Variants in BSN observed in about 807,000 individuals in gnomAD.
BSN encodes bassoon presynaptic cytomatrix protein.
BSN carries 57 observed loss-of-function variants against 264.8 expected under a neutral mutation model. The observed-to-expected ratio is 0.22, with a 90% CI of 0.17 to 0.27. BSN has a LOEUF of 0.27. Among genes scored for constraint, BSN ranks in the 10% least tolerant of loss-of-function variants. BSN has a pLI of 1.00. For missense variants in BSN, 4,615 were observed against 5,232.5 expected, an observed-to-expected ratio of 0.88 and a Z score of 3.64; for synonymous variants, 2,059 against 2,137.3, an observed-to-expected ratio of 0.96 and a Z score of 1.01.
At chr3:49,664,364 C>G (rs1052479303) in intron 8 of BSN, 59 bp from the exon 9 acceptor site, 27 of 1,612,118 alleles carry the variant, frequency 1.7e-5, no homozygotes, top group Non-Finnish European at 2.3e-5. Flanking sequence ...TACTTGCCCT[C>G]TTAGACCCTA....
chr3:49,621,224 TC>T (rs1324734976), intron 1 of BSN, among the ~76,000 whole-genome samples: 24 of 152,038 alleles, frequency 1.6e-4, no homozygotes, highest in Non-Finnish European at 3.1e-4. Flanking sequence ...GGTGAAGAGT[TC>T]AGAGCAGAGT....
intron 1 of BSN, among the ~76,000 whole-genome samples, chr3:49,614,796 A>G (rs1398088387): frequency 6.6e-6 from 1 of 152,192 alleles, no homozygotes; most frequent in African/African-American, 2.4e-5. Flanking sequence ...CTTGCTCTGG[A>G]TTCTGGAGAC....
chr3:49,642,325 A>G lies in BSN; in HGVS notation c.691A>G (p.Thr231Ala), dbSNP rs745716636. The G allele has an allele frequency of 6.3e-7, 1 of 1,594,944 alleles. No homozygotes were observed. The highest frequency in any genetic ancestry group is 1.1e-5 in the South Asian group (1 of 87,982). Residue 231 changes from threonine to alanine, a missense_variant, in exon 3 of 12, where the codon ACC becomes GCC. Thr to Ala is a moderately conservative substitution (Grantham distance 58, BLOSUM62 0). This residue lies in a region of BSN where 1,197 missense variants were observed against 1,348.0 expected (regional missense o/e 0.89). Transcript: ENST00000296452. The surrounding 1 kb of genome is among the most constrained non-coding windows in gnomAD (Gnocchi z 7.0). ...GCAGAGGGCTCTGGGAATGGACATG[A>G]CCACTGCACCTCGCTCCAAGAGCCA... Reference protein sequence around the residue: ...QMQRALGMDMTTAPRSKSQQQ... With the variant: ...QMQRALGMDMATAPRSKSQQQ...
chr3:49,645,700 C>G (rs1268216037), intron 3 of BSN, among the ~76,000 whole-genome samples: 1 of 152,212 alleles, frequency 6.6e-6, no homozygotes, highest in Non-Finnish European at 1.5e-5. Flanking sequence ...TTGGATCTCA[C>G]CTCAGTCAAT....
At chr3:49,613,303 C>CAAGAGAGAGA (rs2052223343) in intron 1 of BSN, among the ~76,000 whole-genome samples, 7 of 47,332 alleles carry the variant, frequency 1.5e-4, no homozygotes, top group Non-Finnish European at 2.4e-4. Flanking sequence ...ACACACAGAG[C>CAAGAGAGAGA]GAGAGAGAGA....
At chr3:49,566,788 GAAAAAAAA>G (rs36043715) in intron 1 of BSN, among the ~76,000 whole-genome samples, 3 of 86,072 alleles carry the variant, frequency 3.5e-5, no homozygotes, top group African/African-American at 1.3e-4. Context: ...TGTGTTTCAG[GAAAAAAAA>G]AAAAAAAAAA....
At position 49,651,837 on chromosome 3, in the gene BSN, C is replaced by T; in HGVS notation, c.2281C>T (p.Pro761Ser). The T allele has an allele frequency of 2.5e-6, 4 of 1,613,844 alleles. No homozygotes were observed. Among genetic ancestry groups the T allele is most frequent in the Non-Finnish European group, 3.4e-6 (4 of 1,180,026 alleles). The stretch of plus-strand genomic sequence containing the variant: ...TACTGGCGAGGAGCAGAAGCAGCGG[C>T]CCCACTCCTTGTCCATCACGCCTGA... ...SGTGEEQKQR[P>S]HSLSITPEAF... The change falls in exon 5 of 12, where the codon CCC (proline) becomes TCC (serine). Residue 761 changes from proline to serine, a missense_variant. Physicochemically the swap from Pro to Ser is moderately conservative, Grantham distance 74. This residue lies in a region of BSN where 1,197 missense variants were observed against 1,348.0 expected (regional missense o/e 0.89). Coordinates refer to ENST00000296452, the MANE Select transcript of BSN (RefSeq NM_003458.4). This position sits in a 1 kb window ranked among gnomAD's most constrained non-coding sequence, Gnocchi z 5.4.
rs1190442902 is a variant in BSN at position 49,653,785 on chromosome 3, C to G, written c.4229C>G (p.Pro1410Arg). 1.9e-6 allele frequency: 3 copies of G among 1,614,110 alleles called. No individual in the cohort carries two copies. The Admixed American group carries it at 5.0e-5, about 27-fold the overall frequency. ...TCCCCAGCAGGCTCCGAGCGTAGTC[C>G]TTCACCATCTTCCACAGCCCACAGC... The part of the protein sequence containing the change: ...PASPAGSERS[P>R]SPSSTAHSYG... The change falls in exon 5 of 12, where the codon CCT (proline) becomes CGT (arginine). Residue 1410 changes from proline to arginine, a missense_variant. Transcript: ENST00000296452. This position sits in a 1 kb window ranked among gnomAD's most constrained non-coding sequence, Gnocchi z 6.3.
Position 49,657,591 on chromosome 3 carries a change from G to T in BSN, c.8035G>T (p.Asp2679Tyr). Residue 2679 changes from aspartate to tyrosine, a missense_variant, in exon 5 of 12, where the codon GAC becomes TAC. Coordinates refer to ENST00000296452, the MANE Select transcript of BSN (RefSeq NM_003458.4). Reference sequence around the variant, plus strand: ...TGACTGCTCCGTGCAGACGGAGCCTGACCAGCTGCCCAGGGTCTCTCCAGC... The same window carrying T: ...TGACTGCTCCGTGCAGACGGAGCCTTACCAGCTGCCCAGGGTCTCTCCAGC... ...ISDCSVQTEPDQLPRVSPAIH... is the reference protein window; with the variant it reads ...ISDCSVQTEPYQLPRVSPAIH... The T allele has an allele frequency of 1.9e-6, 3 of 1,611,704 alleles. No homozygotes were observed. Among genetic ancestry groups the T allele is most frequent in the Non-Finnish European group, 2.5e-6 (3 of 1,178,992 alleles).
At chr3:49,659,728 G>A (rs1369003519) in intron 5 of BSN, among the ~76,000 whole-genome samples, 2 of 152,188 alleles carry the variant, frequency 1.3e-5, no homozygotes, top group Non-Finnish European at 2.9e-5. Flanking sequence ...AGGGAACCTT[G>A]ACCAGGAAGC....
At chr3:49,588,082 C>T (rs1389907855) in intron 1 of BSN, among the ~76,000 whole-genome samples, 4 of 151,816 alleles carry the variant, frequency 2.6e-5, no homozygotes, top group Non-Finnish European at 5.9e-5. Flanking sequence ...CTACCACGCC[C>T]GGCTAATTTT....
rs762662730 is a variant in BSN, at chr3:49,653,651, A to T, written c.4095A>T (p.Ser1365=). The change falls in exon 5 of 12, where the codon TCA becomes TCT. Residue 1365 remains serine, a synonymous_variant. Coordinates refer to ENST00000296452, the MANE Select transcript of BSN (RefSeq NM_003458.4). The surrounding 1 kb of genome is among the most constrained non-coding windows in gnomAD (Gnocchi z 6.3). ...ACAGCTCTCCTGCCTCCCCCAGCTC[A>T]GCCTCCAAGGAGATAGGCATGCCCT... The part of the protein sequence containing the change: ...KLHSSPASPS[S]ASKEIGMPFS... 1.2e-6 allele frequency: 2 copies of T among 1,613,818 alleles called. No homozygotes were observed. Among genetic ancestry groups the T allele is most frequent in the Admixed American group, 1.7e-5 (1 of 60,016 alleles).
chr3:49,655,007 G>A lies in BSN; in HGVS notation c.5451G>A (p.Leu1817=). Residue 1817 remains leucine, a synonymous_variant, in exon 5 of 12, where the codon TTG becomes TTA. Coordinates refer to ENST00000296452, the MANE Select transcript of BSN (RefSeq NM_003458.4). ...CTCCTCTGGCCAGAAGAGACGTTTT[G>A]ATCACTCAGATGGGCACCGCCCAGA... The part of the protein sequence containing the change: ...QVAPLARRDV[L]ITQMGTAQSI... 2 of 1,613,268 alleles carry A rather than the reference G, an allele frequency of 1.2e-6. No homozygotes were observed. The highest frequency in any genetic ancestry group is 1.7e-6 in the Non-Finnish European group (2 of 1,180,006).
chr3:49,620,096 C>G (rs887012390), intron 1 of BSN, among the ~76,000 whole-genome samples: 1 of 152,046 alleles, frequency 6.6e-6, no homozygotes, highest in Non-Finnish European at 1.5e-5. Flanking sequence ...GAGACAAGCA[C>G]AGTTTTAAAT....
At chr3:49,556,319 CAT>C (rs1482318053) in intron 1 of BSN, among the ~76,000 whole-genome samples, 1 of 152,220 alleles carries the variant, frequency 6.6e-6, no homozygotes, top group East Asian at 1.9e-4. Flanking sequence ...CAGAGCCAAT[CAT>C]ATGAAATTCT....
In BSN at chr3:49,648,880, A is replaced by T. The variant is rs145814395; in HGVS notation, c.1519-1732A>T. 9.7e-3 allele frequency among the ~76,000 whole-genome samples: 1,471 copies of T among 152,342 alleles called. 13 individuals carry two copies. The highest frequency in any genetic ancestry group is 0.015 in the Non-Finnish European group (998 of 68,022). Reference sequence around the variant, plus strand: ...CCCTCCACAGCTGGGCCACTGCCCCATTCCTCTGCCTGGGACTTGTGCATG... The same window carrying T: ...CCCTCCACAGCTGGGCCACTGCCCCTTTCCTCTGCCTGGGACTTGTGCATG... On this transcript the variant is annotated intron_variant, in intron 3 of 11. Transcript: ENST00000296452.
rs748623863 is a variant in BSN, at chr3:49,662,041, C to T, written c.10196C>T (p.Ser3399Phe). ...PPPAVSSSLV[S>F]RGRKFQDEIT... ...CCTGCAGTCAGCAGCAGCCTGGTCT[C>T]TCGGGGCAGGAAGTTCCAGGATGAA... The change falls in exon 6 of 12, where the codon TCT becomes TTT. Residue 3399 changes from serine (S) to phenylalanine (F), a missense_variant. Ser to Phe is a radical substitution (Grantham distance 155, BLOSUM62 -2). This residue lies in a region of BSN where 3,415 missense variants were observed against 3,866.4 expected (regional missense o/e 0.88). Coordinates refer to ENST00000296452, the MANE Select transcript of BSN (RefSeq NM_003458.4). The T allele has an allele frequency of 2.5e-6, 4 of 1,613,844 alleles. No homozygotes were observed. The South Asian group carries it at 4.4e-5, about 18-fold the overall frequency.
chr3:49,658,409 GC>G (rs1004092762), intron 5 of BSN, among the ~76,000 whole-genome samples: 3 of 152,076 alleles, frequency 2.0e-5, no homozygotes, highest in Non-Finnish European at 4.4e-5. Context: ...ACACACATGG[GC>G]CCCCACAGCC....
chr3:49,651,266 C>A lies in BSN; in HGVS notation c.1986+187C>A, dbSNP rs926424831. 1 of 660,388 alleles carries A rather than the reference C, an allele frequency of 1.5e-6. No homozygotes were observed. Among genetic ancestry groups the A allele is most frequent in the Non-Finnish European group, 2.5e-6 (1 of 400,768 alleles). 40.9% of individuals were successfully genotyped at this position (660,388 alleles called of 1,614,324 possible). ...GCACGCTTGGAGACTGTGGGTTTTA[C>A]ACTGGTGCTGTGTCTGGCACCTTGT... On this transcript the variant is annotated intron_variant, in intron 4 of 11. Coordinates refer to ENST00000296452, the MANE Select transcript of BSN (RefSeq NM_003458.4). The surrounding 1 kb of genome is among the most constrained non-coding windows in gnomAD (Gnocchi z 5.4).
Sources: gnomAD v4.1 joint callset for allele counts (sites outside exome capture counted in the v4.1 genomes callset) on GRCh38, gnomAD v4.1.1 for gene constraint, gnomAD v4.1.1 regional missense constraint, Gnocchi (gnomAD v3.1) non-coding constraint, MANE v1.5 for transcripts, NCBI Gene and HGNC (gene_info 2026-07-23, HGNC 2026-07-21) for gene names.